PCCA: variants seen among roughly 807,000 people sequenced by gnomAD.
PCCA encodes the protein propionyl-CoA carboxylase subunit alpha.
Under a neutral mutation model 101.3 loss-of-function variants are expected in PCCA, and 74 were observed. That is an observed-to-expected ratio of 0.73 (90% CI 0.61 to 0.89). PCCA has a LOEUF of 0.89. Ranked by LOEUF, PCCA falls within the 40% of genes least tolerant of loss-of-function variation. The probability of loss-of-function intolerance (pLI) is 0.00; values close to 1 mark genes in which losing one functional copy is unlikely to be tolerated. For synonymous variants in PCCA, 294 were observed against 313.6 expected (o/e 0.94, Z 0.66); for missense variants, 891 against 907.0 (o/e 0.98, Z 0.23).
chr13:100,435,031 T>TTGC (rs1250334479), intron 20 of PCCA, among the ~76,000 whole-genome samples: 1 of 152,214 alleles, frequency 6.6e-6, no homozygotes, highest in Non-Finnish European at 1.5e-5. Context: ...CTTCTTTTTG[T>TTGC]TGCTGAACCC....
chr13:100,287,252 T>C (rs1338110862), intron 12 of PCCA, among the ~76,000 whole-genome samples: 1 of 152,158 alleles, frequency 6.6e-6, no homozygotes, highest in Non-Finnish European at 1.5e-5. Context: ...TATATTATAG[T>C]ACAGTATCTA....
intron 1 of PCCA, among the ~76,000 whole-genome samples, chr13:100,091,723 AG>A (rs1359027912): frequency 6.6e-6 from 1 of 152,112 alleles, no homozygotes; most frequent in Non-Finnish European, 1.5e-5. Context: ...GCCAGTCAAC[AG>A]AGTTTATTTA....
At chr13:100,172,182 CAG>C (rs1338165108) in intron 6 of PCCA, among the ~76,000 whole-genome samples, 2 of 145,434 alleles carry the variant, frequency 1.4e-5, no homozygotes, top group Non-Finnish European at 3.0e-5. Flanking sequence ...GCCTGGGTGA[CAG>C]AGCAAAACCC....
chr13:100,293,312 A>C, intron 12 of PCCA: 1 of 457,352 alleles, frequency 2.2e-6, no homozygotes, highest in South Asian at 1.6e-5. Context: ...CATCAGGGGG[A>C]ATTCTGCATC....
chr13:100,132,482 A>G (rs1363811951), intron 4 of PCCA, among the ~76,000 whole-genome samples: 2 of 152,232 alleles, frequency 1.3e-5, no homozygotes, highest in African/African-American at 2.4e-5. Context: ...TGTTGTGTGT[A>G]TCAATAGAAT....
chr13:100,339,634 T>C (rs2071009974), intron 17 of PCCA, among the ~76,000 whole-genome samples: 1 of 152,060 alleles, frequency 6.6e-6, no homozygotes, highest in South Asian at 2.1e-4. Flanking sequence ...GAGAGATTGG[T>C]TGGTTGATTG....
At chr13:100,304,027 A>G (rs1022085250) in intron 14 of PCCA, among the ~76,000 whole-genome samples, 1 of 152,246 alleles carries the variant, frequency 6.6e-6, no homozygotes, top group East Asian at 1.9e-4. Flanking sequence ...AGAAGTTTTC[A>G]CCATGTTGTA....
chr13:100,505,035 A>G (rs1177751623), intron 21 of PCCA, among the ~76,000 whole-genome samples: 15 of 152,236 alleles, frequency 9.9e-5, no homozygotes, highest in Admixed American at 9.2e-4. Flanking sequence ...ACCTTTCCCA[A>G]GCTTGTAAGT....
At chr13:100,352,132 A>G (rs1270237683) in intron 18 of PCCA, among the ~76,000 whole-genome samples, 1 of 152,230 alleles carries the variant, frequency 6.6e-6, no homozygotes, top group Non-Finnish European at 1.5e-5. Flanking sequence ...TATAGAAAGT[A>G]AAAAGCAAAA....
chr13:100,428,216 C>T (rs2152897653), intron 20 of PCCA, among the ~76,000 whole-genome samples: 1 of 152,112 alleles, frequency 6.6e-6, no homozygotes, highest in Admixed American at 6.5e-5. Flanking sequence ...ACAGGTGTGC[C>T]TGCCACCACA....
chr13:100,484,255 G>GCT (rs2084184938), intron 21 of PCCA, among the ~76,000 whole-genome samples: 1 of 151,976 alleles, frequency 6.6e-6, no homozygotes, highest in South Asian at 2.1e-4. Context: ...GAAACTGTAA[G>GCT]GACTGTGTCC....
intron 19 of PCCA, among the ~76,000 whole-genome samples, chr13:100,410,490 C>T (rs559480359): frequency 4.6e-5 from 7 of 152,266 alleles, no homozygotes; most frequent in Middle Eastern, 6.8e-3. Flanking sequence ...ATCCACCTGC[C>T]TTGGCCTCCC....
intron 6 of PCCA, among the ~76,000 whole-genome samples, chr13:100,184,861 G>A (rs1020007764): frequency 2.8e-5 from 4 of 143,780 alleles, no homozygotes. Context: ...TTGGCCTGTA[G>A]GCTGTAATTG....
At chr13:100,428,285 TTGG>T (rs2152897765) in intron 20 of PCCA, among the ~76,000 whole-genome samples, 1 of 151,344 alleles carries the variant, frequency 6.6e-6, no homozygotes, top group African/African-American at 2.4e-5. Context: ...CCAGGCTGGT[TTGG>T]AACTCCTGGG....
chr13:100,476,088 A>G (rs550978586), intron 21 of PCCA, among the ~76,000 whole-genome samples: 17 of 152,302 alleles, frequency 1.1e-4, no homozygotes, highest in South Asian at 6.2e-4. Flanking sequence ...TCATTTTCCT[A>G]TGCTCATTCT....
rs956580627 is a variant in PCCA, at chr13:100,102,886, G to A, written c.109G>A (p.Val37Ile). Residue 37 changes from valine to isoleucine, a missense_variant, in exon 2 of 24, where the codon GTT becomes ATT. Coordinates refer to ENST00000376285, the MANE Select transcript of PCCA (RefSeq NM_000282.4). ...TTTTGCTTTCCTTTTTTTGTAGCAT[G>A]TTCTGTACTATTCAAGACAGTGCTT... ...LSAALRTLKH[V>I]LYYSRQCLMV... The A allele has an allele frequency of 6.2e-7, 1 of 1,609,434 alleles. No homozygotes were observed. The highest frequency in any genetic ancestry group is 8.5e-7 in the Non-Finnish European group (1 of 1,175,870).
At chr13:100,239,338 G>A (rs1566774615) in intron 8 of PCCA, among the ~76,000 whole-genome samples, 1 of 152,124 alleles carries the variant, frequency 6.6e-6, no homozygotes, top group Non-Finnish European at 1.5e-5. Flanking sequence ...TTATTATACT[G>A]TGTCTAAACC....
rs574231828 is a variant in PCCA at position 100,284,173 on chromosome 13, T to C, written c.1065+10827T>C. Among the ~76,000 whole-genome samples the C allele has an allele frequency of 2.1e-3, 326 of 152,366 alleles. 2 individuals carry two copies. Among genetic ancestry groups the C allele is most frequent in the African/African-American group, 6.8e-3 (284 of 41,588 alleles). The stretch of plus-strand genomic sequence containing the variant: ...AATCCTGGGACAGCCTGTAACCAGG[T>C]ATTTCTCCCACCTCCTCAGTTGTAA... On this transcript the variant is annotated intron_variant, in intron 12 of 23. Transcript: ENST00000376285.
chr13:100,165,146 A>G (rs1481383550), intron 6 of PCCA, among the ~76,000 whole-genome samples: 1 of 152,130 alleles, frequency 6.6e-6, no homozygotes, highest in Non-Finnish European at 1.5e-5. Context: ...GTGTATAAGT[A>G]TCTGTTTGGG....
Sources: allele counts gnomAD v4.1 joint callset (sites outside exome capture counted in the v4.1 genomes callset), GRCh38; gene constraint gnomAD v4.1.1; transcripts MANE v1.5; gene names NCBI Gene and HGNC (gene_info 2026-07-23, HGNC 2026-07-21).